The following KANSL2 variants were observed in gnomAD, a reference collection of about 807,000 sequenced individuals.
The protein encoded by KANSL2 is NSL complex protein NSL2.
Under a neutral mutation model 55.6 loss-of-function variants are expected in KANSL2, and 34 were observed. The observed-to-expected ratio is 0.61, with a 90% CI of 0.46 to 0.81. The LOEUF is 0.81. Among genes scored for constraint, KANSL2 ranks in the 40% least tolerant of loss-of-function variants. The pLI, the probability that KANSL2 is intolerant of heterozygous loss-of-function variation, is 0.00. For synonymous variants in KANSL2, 209 were observed against 214.3 expected (o/e 0.98, Z 0.22); for missense variants, 502 against 609.9 (o/e 0.82, Z 1.86).
At chr12:48,676,420 G>T (rs778059440) in intron 4 of KANSL2, among the ~76,000 whole-genome samples, 1 of 152,036 alleles carries the variant, frequency 6.6e-6, no homozygotes, top group Non-Finnish European at 1.5e-5. Context: ...CAGCACTTTG[G>T]GAGGCTGACG....
intron 5 of KANSL2, among the ~76,000 whole-genome samples, chr12:48,670,413 G>A (rs953384640): frequency 1.3e-5 from 2 of 152,072 alleles, no homozygotes; most frequent in Admixed American, 6.6e-5. Flanking sequence ...ATGACAGTTC[G>A]CTGCATGAGA....
chr12:48,664,867 C>A (rs949537358), intron 7 of KANSL2, among the ~76,000 whole-genome samples: 8 of 149,492 alleles, frequency 5.4e-5, no homozygotes, highest in South Asian at 2.1e-4. Context: ...CAGGTGTGAG[C>A]CACTGCGCCC....
intron 8 of KANSL2, among the ~76,000 whole-genome samples, chr12:48,659,079 A>G (rs986020362): frequency 2.4e-4 from 36 of 152,084 alleles, no homozygotes; most frequent in African/African-American, 7.7e-4. Flanking sequence ...GGGTCACTTG[A>G]GGCCAGGAGT....
intron 5 of KANSL2, among the ~76,000 whole-genome samples, chr12:48,670,718 C>T (rs370493145): frequency 6.6e-6 from 1 of 151,938 alleles, no homozygotes; most frequent in Non-Finnish European, 1.5e-5. Context: ...GTAATCAATC[C>T]CAGCACTTTG....
At position 48,681,579 on chromosome 12, in the gene KANSL2, T is replaced by C. The variant is rs1939926312; in HGVS notation, c.54A>G (p.Pro18=). 2 of 1,614,018 alleles carry C rather than the reference T, an allele frequency of 1.2e-6. No homozygotes were observed. Among genetic ancestry groups the C allele is most frequent in the Non-Finnish European group, 1.7e-6 (2 of 1,179,886 alleles). Residue 18 remains proline (P), a synonymous_variant, in exon 2 of 10, where the codon CCA becomes CCG. Coordinates refer to ENST00000420613, the MANE Select transcript of KANSL2 (RefSeq NM_017822.4). ...ACAGAGGTTCCTGAGACCTGGGCAC[T>C]GGAGTGATCCTCCCCCGATTGGTTG... The part of the protein sequence containing the change: ...VLPTNRGRIT[P]VPRSQEPLSC...
chr12:48,673,478 T>C (rs1939765260), intron 4 of KANSL2, among the ~76,000 whole-genome samples: 1 of 151,456 alleles, frequency 6.6e-6, no homozygotes, highest in Admixed American at 6.6e-5. Context: ...GAGAATTGCT[T>C]GAACCCGGGA....
intron 8 of KANSL2, among the ~76,000 whole-genome samples, chr12:48,659,448 A>C (rs567184338): frequency 1.3e-5 from 2 of 152,024 alleles, no homozygotes; most frequent in South Asian, 4.2e-4. Flanking sequence ...ACATAGGGAG[A>C]TCTCATCTAT....
chr12:48,681,914 A>G (rs1448752179), intron 1 of KANSL2: 4 of 703,132 alleles, frequency 5.7e-6, no homozygotes, highest in South Asian at 1.5e-5. Context: ...AAGCGACAAC[A>G]CCAGCCCCAC....
intron 8 of KANSL2, among the ~76,000 whole-genome samples, chr12:48,657,260 A>G (rs1939403135): frequency 6.6e-6 from 1 of 151,958 alleles, no homozygotes. Flanking sequence ...CCCCATCTCT[A>G]CTAAAAATAC....
intron 5 of KANSL2, among the ~76,000 whole-genome samples, chr12:48,670,821 T>C (rs532960712): frequency 8.6e-5 from 13 of 151,788 alleles, no homozygotes; most frequent in African/African-American, 2.4e-4. Flanking sequence ...ATTTAAAAAT[T>C]AGCTGAGTGT....
At chr12:48,657,750 G>GGGATT (rs1473263110) in intron 8 of KANSL2, among the ~76,000 whole-genome samples, 1 of 152,112 alleles carries the variant, frequency 6.6e-6, no homozygotes, top group African/African-American at 2.4e-5. Flanking sequence ...CCCAGTAGCT[G>GGGATT]GGATTACAGG....
At chr12:48,679,361 C>T (rs1316300536) in intron 3 of KANSL2, 5 of 632,072 alleles carry the variant, frequency 7.9e-6, no homozygotes, top group Non-Finnish European at 1.4e-5. Flanking sequence ...GTAAACCATG[C>T]CCTCTCAAAC....
At chr12:48,666,585 C>G (rs1218486155) in intron 7 of KANSL2, among the ~76,000 whole-genome samples, 1 of 151,774 alleles carries the variant, frequency 6.6e-6, no homozygotes, top group Non-Finnish European at 1.5e-5. Context: ...CCCAGCTACT[C>G]AGGAGGATGA....
chr12:48,674,256 T>C (rs1592107636), intron 4 of KANSL2, among the ~76,000 whole-genome samples: 3 of 152,206 alleles, frequency 2.0e-5, no homozygotes, highest in African/African-American at 7.2e-5. Flanking sequence ...TTCTCGTGCC[T>C]CAGCCTCCAC....
At chr12:48,681,726 G>A (rs775868050) in intron 1 of KANSL2, 85 bp from the exon 2 acceptor site, 3 of 1,563,388 alleles carry the variant, frequency 1.9e-6, no homozygotes, top group African/African-American at 2.7e-5. Flanking sequence ...AGTTTCCAAA[G>A]GACATGCAGA....
At chr12:48,658,308 G>C (rs1340210099) in intron 8 of KANSL2, among the ~76,000 whole-genome samples, 1 of 152,108 alleles carries the variant, frequency 6.6e-6, no homozygotes, top group East Asian at 1.9e-4. Context: ...AATGGAATGT[G>C]TATGTTTTCA....
At chr12:48,662,589 C>T in intron 7 of KANSL2, 1 of 1,285,680 alleles carries the variant, frequency 7.8e-7, no homozygotes, top group Non-Finnish European at 1.0e-6. Flanking sequence ...CACTTTCAGT[C>T]GAGTGCTGTC....
At chr12:48,668,982 C>T (rs1939654646) in intron 6 of KANSL2, 124 bp downstream of exon 6, 4 of 646,466 alleles carry the variant, frequency 6.2e-6, no homozygotes, top group South Asian at 3.4e-5. Flanking sequence ...GTTGAGAGAT[C>T]TCAGTGAGCC....
At chr12:48,656,277 GTT>G (rs5798084) in intron 8 of KANSL2, among the ~76,000 whole-genome samples, 13 of 140,710 alleles carry the variant, frequency 9.2e-5, no homozygotes, top group Non-Finnish European at 1.5e-4. Context: ...TTTTTGTTTT[GTT>G]TTTTTTTTTT....
Sources: gnomAD v4.1 joint callset for allele counts (sites outside exome capture counted in the v4.1 genomes callset) on GRCh38, gnomAD v4.1.1 for gene constraint, MANE v1.5 for transcripts, NCBI Gene and HGNC (gene_info 2026-07-23, HGNC 2026-07-21) for gene names.